Variants in MSI2 observed in about 807,000 individuals in gnomAD.
MSI2 encodes musashi RNA binding protein 2, also known as RNA-binding protein Musashi homolog 2.
Under a neutral mutation model 45.6 loss-of-function variants are expected in MSI2, and 17 were observed. That is an observed-to-expected ratio of 0.37 (90% confidence interval 0.26 to 0.56). The LOEUF (loss-of-function observed/expected upper bound fraction) is 0.56, where lower values mean the gene tolerates loss of function less well. MSI2 is among the 20% of genes least tolerant of loss of function. The pLI is 0.77. For synonymous variants in MSI2, 156 were observed against 158.2 expected, an observed-to-expected ratio of 0.99 and a Z score of 0.11; for missense variants, 293 against 444.2, an observed-to-expected ratio of 0.66 and a Z score of 3.06.
chr17:57,514,684 T>C (rs866219867), intron 6 of MSI2, among the ~76,000 whole-genome samples: 5 of 148,192 alleles, frequency 3.4e-5, no homozygotes, highest in Non-Finnish European at 7.4e-5. Context: ...AGGGAAGATA[T>C]GGGTTTTTCC....
chr17:57,351,983 G>A (rs1221619419), intron 5 of MSI2, among the ~76,000 whole-genome samples: 1 of 152,228 alleles, frequency 6.6e-6, no homozygotes, highest in African/African-American at 2.4e-5. Flanking sequence ...AACATACATT[G>A]TGTGAAGAAA....
Position 57,257,149 on chromosome 17 carries a change from G to C in MSI2, c.103+11G>C. 1 of 1,511,366 alleles carries C rather than the reference G, an allele frequency of 6.6e-7. No individual in the cohort carries two copies. Among genetic ancestry groups the C allele is most frequent in the African/African-American group, 1.4e-5 (1 of 69,762 alleles). 93.6% of individuals were successfully genotyped at this position (1,511,366 alleles called of 1,614,324 possible). Reference sequence around the variant, plus strand: ...GGCAGACCTCACCAGGTAAGGGAGGGAGGGGGGGACGCCTGGGTCCCCCCC... The same window carrying C: ...GGCAGACCTCACCAGGTAAGGGAGGCAGGGGGGGACGCCTGGGTCCCCCCC... On this transcript the variant is annotated intron_variant, in intron 2 of 13. Coordinates refer to ENST00000284073, the MANE Select transcript of MSI2 (RefSeq NM_138962.4).
At chr17:57,593,708 T>C (rs1264684171) in intron 7 of MSI2, among the ~76,000 whole-genome samples, 2 of 152,202 alleles carry the variant, frequency 1.3e-5, no homozygotes, top group East Asian at 3.8e-4. Flanking sequence ...TTCAACCTGC[T>C]ACACTTGTCC....
Position 57,375,928 on chromosome 17 carries a change from G to A in MSI2, c.313-25451G>A, listed in dbSNP as rs190234721. Among the ~76,000 whole-genome samples, 54 of 152,298 alleles carry A rather than the reference G, an allele frequency of 3.5e-4. 2 individuals carry two copies. The highest frequency in any genetic ancestry group is 1.1e-3 in the African/African-American group (44 of 41,564). On this transcript the variant is annotated intron_variant, in intron 5 of 13. Coordinates refer to ENST00000284073, the MANE Select transcript of MSI2 (RefSeq NM_138962.4). ...CGATGCTCACTCTGACCGCCCAGGA[G>A]CAGCAGGCTGAGTCAGCCTGTCCCG...
intron 5 of MSI2, among the ~76,000 whole-genome samples, chr17:57,326,891 A>C (rs1374375051): frequency 6.6e-6 from 1 of 152,162 alleles, no homozygotes; most frequent in Admixed American, 6.5e-5. Flanking sequence ...GTCCCACTGC[A>C]GTGTTTGTGC....
chr17:57,653,763 T>A (rs943552244), intron 11 of MSI2, among the ~76,000 whole-genome samples: 1 of 152,108 alleles, frequency 6.6e-6, no homozygotes, highest in Admixed American at 6.5e-5. Flanking sequence ...CCCGTTCTCC[T>A]TGACTTCATG....
At chr17:57,364,179 A>G (rs1917022544) in intron 5 of MSI2, among the ~76,000 whole-genome samples, 1 of 152,192 alleles carries the variant, frequency 6.6e-6, no homozygotes, top group Non-Finnish European at 1.5e-5. Flanking sequence ...GAGACACAAT[A>G]AAAGAACAGC....
intron 5 of MSI2, among the ~76,000 whole-genome samples, chr17:57,356,753 A>T (rs769751694): frequency 6.6e-6 from 1 of 152,046 alleles, no homozygotes; most frequent in Non-Finnish European, 1.5e-5. Flanking sequence ...CTCCTTTATA[A>T]GTTGGAGTCT....
chr17:57,518,429 T>G (rs1421172963), intron 6 of MSI2, among the ~76,000 whole-genome samples: 1 of 152,210 alleles, frequency 6.6e-6, no homozygotes, highest in Non-Finnish European at 1.5e-5. Context: ...TGATGTTTAT[T>G]TCATGCCCAT....
At chr17:57,639,801 G>A (rs1056765367) in intron 10 of MSI2, among the ~76,000 whole-genome samples, 1 of 152,188 alleles carries the variant, frequency 6.6e-6, no homozygotes, top group Non-Finnish European at 1.5e-5. Context: ...CTGAAACCCA[G>A]GACCAGCTTT....
intron 7 of MSI2, among the ~76,000 whole-genome samples, chr17:57,584,494 G>A (rs941646439): frequency 7.2e-5 from 11 of 152,198 alleles, no homozygotes; most frequent in African/African-American, 2.7e-4. Context: ...GGGGCGCGGA[G>A]GGAGCAGTGG....
downstream of MSI2, among the ~76,000 whole-genome samples, chr17:57,689,116 A>C (rs1238944582): frequency 6.6e-6 from 1 of 152,174 alleles, no homozygotes. Flanking sequence ...CTGTCTAAAA[A>C]AGGGAATACA....
Position 57,680,312 on chromosome 17 carries a change from G to A in MSI2, c.*795G>A, listed in dbSNP as rs1913524216. The A allele has an allele frequency of 4.4e-6, 1 of 226,300 alleles. No homozygotes were observed. The highest frequency in any genetic ancestry group is 8.8e-6 in the Non-Finnish European group (1 of 113,880). 14.0% of individuals were successfully genotyped at this position (226,300 alleles called of 1,614,324 possible). On this transcript the variant is annotated 3_prime_UTR_variant, in exon 14 of 14. Coordinates refer to ENST00000284073, the MANE Select transcript of MSI2 (RefSeq NM_138962.4). ...TCTGTTGAAAGAGGTGATATTATAA[G>A]GTTTTTTGAAATTGTGAATTCTAAA...
At chr17:57,447,278 A>T (rs1453281844) in intron 6 of MSI2, among the ~76,000 whole-genome samples, 1 of 151,734 alleles carries the variant, frequency 6.6e-6, no homozygotes, top group African/African-American at 2.4e-5. Context: ...TTATTTATTT[A>T]TTTTTTGTAG....
rs1424501721 is a variant in MSI2, at chr17:57,611,153, T to A, written c.538-4817T>A. Among the ~76,000 whole-genome samples the A allele has an allele frequency of 2.1e-5, 2 of 96,006 alleles. 1 individual carries two copies. Among genetic ancestry groups the A allele is most frequent in the Non-Finnish European group, 5.0e-5 (2 of 39,864 alleles). 63.0% of individuals were successfully genotyped at this position (96,006 alleles called of 152,430 possible). A position where few individuals can be genotyped will look rare whatever the true frequency, so the allele number is the denominator to read the frequency against. On this transcript the variant is annotated intron_variant, in intron 8 of 13. Coordinates refer to ENST00000284073, the MANE Select transcript of MSI2 (RefSeq NM_138962.4). The stretch of plus-strand genomic sequence containing the variant: ...CAGTAGCAGCAGTAGCAGCAGCCAC[T>A]GTGAGAAGCCGTTGGTGCAGGAGAC...
At chr17:57,434,365 G>A (rs1170315639) in intron 6 of MSI2, among the ~76,000 whole-genome samples, 1 of 152,170 alleles carries the variant, frequency 6.6e-6, no homozygotes, top group Non-Finnish European at 1.5e-5. Context: ...CTCCCAAAGT[G>A]CCAGGATTAC....
At chr17:57,572,823 A>G (rs1432665859) in intron 7 of MSI2, among the ~76,000 whole-genome samples, 2 of 152,242 alleles carry the variant, frequency 1.3e-5, no homozygotes, top group Non-Finnish European at 2.9e-5. Context: ...GTCCTGATTT[A>G]GAGGAGCCTG....
At chr17:57,619,422 G>A (rs1474565841) in intron 9 of MSI2, among the ~76,000 whole-genome samples, 1 of 152,214 alleles carries the variant, frequency 6.6e-6, no homozygotes, top group African/African-American at 2.4e-5. Context: ...CATAGAGTCT[G>A]GGGGTGGTTG....
At chr17:57,667,199 C>A (rs762114706) in intron 11 of MSI2, among the ~76,000 whole-genome samples, 1 of 152,200 alleles carries the variant, frequency 6.6e-6, no homozygotes, top group Non-Finnish European at 1.5e-5. Flanking sequence ...TCCGGGGAGC[C>A]TCCTTGTCTG....
Sources: gnomAD v4.1 joint callset for allele counts (sites outside exome capture counted in the v4.1 genomes callset) on GRCh38, gnomAD v4.1.1 for gene constraint, MANE v1.5 for transcripts, NCBI Gene and HGNC (gene_info 2026-07-23, HGNC 2026-07-21) for gene names.